Variants in FRMD4A observed in about 807,000 individuals in gnomAD.
FRMD4A encodes the protein FERM domain-containing protein 4A.
In FRMD4A, 29 loss-of-function variants were observed where a neutral mutation model predicts 129.1. The ratio of observed to expected loss-of-function variants is 0.22; its 90% CI spans 0.17 to 0.31. FRMD4A has a LOEUF of 0.31. FRMD4A is among the 10% of genes least tolerant of loss of function. The probability of loss-of-function intolerance (pLI) is 1.00; values close to 1 mark genes in which losing one functional copy is unlikely to be tolerated. For missense variants in FRMD4A, 1,272 were observed against 1,375.8 expected (o/e 0.92, Z 1.19); for synonymous variants, 634 against 571.6 (o/e 1.11, Z -1.56).
chr10:13,722,796 G>T (rs536466839), intron 12 of FRMD4A, among the ~76,000 whole-genome samples: 3 of 152,218 alleles, frequency 2.0e-5, no homozygotes, highest in Admixed American at 6.5e-5. Context: ...TGGTTAGATA[G>T]ATCTCCATGC....
intron 5 of FRMD4A, among the ~76,000 whole-genome samples, chr10:13,795,944 C>A (rs1205654922): frequency 6.6e-6 from 1 of 152,146 alleles, no homozygotes; most frequent in Non-Finnish European, 1.5e-5. Flanking sequence ...AACAAAATTT[C>A]TTAGACTAGA....
intron 2 of FRMD4A, among the ~76,000 whole-genome samples, chr10:14,099,509 C>T (rs1300059066): frequency 1.3e-5 from 2 of 152,142 alleles, no homozygotes; most frequent in African/African-American, 4.8e-5. Flanking sequence ...CCAGGCATGC[C>T]CAACTCCTAC....
chr10:14,094,927 G>A (rs1836867763), intron 2 of FRMD4A, among the ~76,000 whole-genome samples: 1 of 152,110 alleles, frequency 6.6e-6, no homozygotes, highest in Non-Finnish European at 1.5e-5. Flanking sequence ...GCTTGTGTGT[G>A]CCCATGTGTA....
chr10:14,080,225 C>T (rs777635684), intron 2 of FRMD4A, among the ~76,000 whole-genome samples: 4 of 152,174 alleles, frequency 2.6e-5, no homozygotes, highest in Non-Finnish European at 5.9e-5. Context: ...TCTAGCCTGC[C>T]CCCTACCCTG....
At chr10:13,953,774 C>T (rs536853542) in intron 2 of FRMD4A, among the ~76,000 whole-genome samples, 1 of 152,202 alleles carries the variant, frequency 6.6e-6, no homozygotes, top group Admixed American at 6.5e-5. Flanking sequence ...GAAACTTTAT[C>T]CAAAGTAATG....
chr10:13,720,195 C>T (rs961749845), intron 12 of FRMD4A, among the ~76,000 whole-genome samples: 8 of 152,180 alleles, frequency 5.3e-5, no homozygotes, highest in African/African-American at 1.4e-4. Context: ...ACTACAGGTG[C>T]GCGCCAGCAC....
intron 5 of FRMD4A, among the ~76,000 whole-genome samples, chr10:13,791,294 TAG>T (rs1348482475): frequency 1.3e-5 from 2 of 152,068 alleles, no homozygotes; most frequent in African/African-American, 4.8e-5. Context: ...CAGAACTGGC[TAG>T]AGATATGATG....
chr10:14,324,498 C>A (rs1028978465), intron 2 of FRMD4A, among the ~76,000 whole-genome samples: 2 of 152,202 alleles, frequency 1.3e-5, no homozygotes, highest in Non-Finnish European at 1.5e-5. Flanking sequence ...GGGCCCCATG[C>A]CTGGATGGCC....
At chr10:13,834,210 G>A (rs1186232031) in intron 3 of FRMD4A, among the ~76,000 whole-genome samples, 2 of 152,134 alleles carry the variant, frequency 1.3e-5, no homozygotes, top group African/African-American at 4.8e-5. Context: ...GTTGCAGTGG[G>A]CTGAGATTGT....
chr10:13,964,858 G>A (rs911403487), intron 2 of FRMD4A, among the ~76,000 whole-genome samples: 6 of 151,976 alleles, frequency 3.9e-5, no homozygotes, highest in Admixed American at 2.0e-4. Flanking sequence ...GCTGATTTTT[G>A]TATTTTTAGT....
At chr10:14,216,397 G>A (rs1488031496) in intron 2 of FRMD4A, among the ~76,000 whole-genome samples, 5 of 152,148 alleles carry the variant, frequency 3.3e-5, no homozygotes, top group African/African-American at 7.2e-5. Flanking sequence ...AAGGCTGGGC[G>A]CAATGACTCA....
At chr10:14,087,920 G>A (rs1836390057) in intron 2 of FRMD4A, among the ~76,000 whole-genome samples, 1 of 152,200 alleles carries the variant, frequency 6.6e-6, no homozygotes, top group African/African-American at 2.4e-5. Flanking sequence ...TCATGTTGCA[G>A]CGGCTTCTGC....
intron 2 of FRMD4A, among the ~76,000 whole-genome samples, chr10:14,162,318 A>T (rs1840932553): frequency 6.6e-6 from 1 of 152,178 alleles, no homozygotes; most frequent in Admixed American, 6.5e-5. Context: ...GTAAATTGTG[A>T]TTGCTGTCTT....
chr10:14,291,148 T>C (rs1006795566), intron 2 of FRMD4A, among the ~76,000 whole-genome samples: 1 of 152,136 alleles, frequency 6.6e-6, no homozygotes, highest in African/African-American at 2.4e-5. Flanking sequence ...ATAGAAAGAA[T>C]GAAGAACATT....
At chr10:14,224,470 T>C (rs1843369637) in intron 2 of FRMD4A, among the ~76,000 whole-genome samples, 1 of 152,250 alleles carries the variant, frequency 6.6e-6, no homozygotes, top group African/African-American at 2.4e-5. Flanking sequence ...CTACTCATAC[T>C]GGGCAGAAAG....
chr10:13,862,536 C>A (rs1194217877), intron 2 of FRMD4A, among the ~76,000 whole-genome samples: 1 of 152,178 alleles, frequency 6.6e-6, no homozygotes, highest in Non-Finnish European at 1.5e-5. Flanking sequence ...CTAGGTCTTC[C>A]AATTTCTTTC....
chr10:14,064,500 G>T (rs550220940), intron 2 of FRMD4A, among the ~76,000 whole-genome samples: 1 of 152,152 alleles, frequency 6.6e-6, no homozygotes, highest in Non-Finnish European at 1.5e-5. Flanking sequence ...TTCCTTCTGC[G>T]TGAACTTTTC....
chr10:14,316,817 G>A (rs1451153292), intron 2 of FRMD4A, among the ~76,000 whole-genome samples: 3 of 152,222 alleles, frequency 2.0e-5, no homozygotes, highest in Admixed American at 6.5e-5. Context: ...TGGAACCAGA[G>A]CCACAGCCTA....
intron 2 of FRMD4A, among the ~76,000 whole-genome samples, chr10:14,125,354 G>A (rs761278992): frequency 3.3e-5 from 5 of 152,212 alleles, no homozygotes; most frequent in South Asian, 2.1e-4. Flanking sequence ...AAGGGGGTGC[G>A]TGTATCCCTG....
Sources: gnomAD v4.1 joint callset for allele counts (sites outside exome capture counted in the v4.1 genomes callset) on GRCh38, gnomAD v4.1.1 for gene constraint, MANE v1.5 for transcripts, NCBI Gene and HGNC (gene_info 2026-07-23, HGNC 2026-07-21) for gene names.